ZFPM2: variants seen among roughly 807,000 people sequenced by gnomAD.
ZFPM2 encodes zinc finger protein ZFPM2.
In ZFPM2, 20 loss-of-function variants were observed where a neutral mutation model predicts 98.6. The ratio of observed to expected loss-of-function variants is 0.20; its 90% CI spans 0.14 to 0.29. The LOEUF (loss-of-function observed/expected upper bound fraction) is 0.29, where lower values mean the gene tolerates loss of function less well. ZFPM2 is among the 10% of genes least tolerant of loss of function. The pLI, the probability that ZFPM2 is intolerant of heterozygous loss-of-function variation, is 1.00. For missense variants in ZFPM2, 1,310 were observed against 1,388.6 expected (o/e 0.94, Z 0.90); for synonymous variants, 518 against 502.7 (o/e 1.03, Z -0.41).
chr8:105,381,748 C>T (rs1187557790), intron 1 of ZFPM2, among the ~76,000 whole-genome samples: 2 of 152,074 alleles, frequency 1.3e-5, no homozygotes, highest in Non-Finnish European at 2.9e-5. Flanking sequence ...CAAAGATAGC[C>T]TCTGGAAAGC....
intron 1 of ZFPM2, among the ~76,000 whole-genome samples, chr8:105,398,739 T>A (rs1447711841): frequency 6.6e-6 from 1 of 152,164 alleles, no homozygotes; most frequent in Non-Finnish European, 1.5e-5. Context: ...ACTCACCTCT[T>A]GTTACAACTG....
chr8:105,558,214 C>G (rs1868648), intron 3 of ZFPM2, among the ~76,000 whole-genome samples: 54 of 152,086 alleles, frequency 3.6e-4, no homozygotes, highest in African/African-American at 1.2e-3. Context: ...TTTTGCTATC[C>G]TTAACCTATG....
chr8:105,341,481 CAA>C (rs1404993675), intron 1 of ZFPM2, among the ~76,000 whole-genome samples: 1 of 151,558 alleles, frequency 6.6e-6, no homozygotes, highest in African/African-American at 2.4e-5. Flanking sequence ...TGTAAGGTAA[CAA>C]TGCAATATAT....
chr8:105,561,935 T>G (rs1450766231), intron 4 of ZFPM2, among the ~76,000 whole-genome samples: 1 of 152,102 alleles, frequency 6.6e-6, no homozygotes, highest in Non-Finnish European at 1.5e-5. Context: ...GTTATTCAGC[T>G]TTTTTGTAAA....
intron 2 of ZFPM2, among the ~76,000 whole-genome samples, chr8:105,424,549 A>C (rs1415446322): frequency 6.6e-6 from 1 of 152,178 alleles, no homozygotes; most frequent in Non-Finnish European, 1.5e-5. Context: ...AGTGTGCAGA[A>C]AGCAAAGGTT....
intron 3 of ZFPM2, among the ~76,000 whole-genome samples, chr8:105,480,708 A>G (rs1813097491): frequency 6.6e-6 from 1 of 151,770 alleles, no homozygotes; most frequent in Non-Finnish European, 1.5e-5. Context: ...ACTGCAGGCA[A>G]TATGTGTTTC....
chr8:105,698,327 A>G (rs1811066823), intron 5 of ZFPM2, among the ~76,000 whole-genome samples: 1 of 152,212 alleles, frequency 6.6e-6, no homozygotes, highest in African/African-American at 2.4e-5. Context: ...GAGAAGGGGT[A>G]TCATCCATGG....
chr8:105,642,180 T>C (rs752093458), intron 5 of ZFPM2, among the ~76,000 whole-genome samples: 66 of 151,994 alleles, frequency 4.3e-4, no homozygotes, highest in Non-Finnish European at 7.8e-4. Context: ...CTGAGAATAG[T>C]TTTTAAAACA....
intron 3 of ZFPM2, among the ~76,000 whole-genome samples, chr8:105,448,505 C>A (rs1234828294): frequency 6.6e-6 from 1 of 151,924 alleles, no homozygotes; most frequent in Non-Finnish European, 1.5e-5. Flanking sequence ...TAACATCATG[C>A]TGTCTGTATT....
chr8:105,740,528 C>CAT (rs371953469), intron 5 of ZFPM2, among the ~76,000 whole-genome samples: 7,776 of 143,926 alleles, frequency 0.054, 301 homozygotes, highest in East Asian at 0.12. Context: ...TGTGTGTATG[C>CAT]ATATATATAT....
At chr8:105,733,870 A>C (rs1277187811) in intron 5 of ZFPM2, among the ~76,000 whole-genome samples, 1 of 151,894 alleles carries the variant, frequency 6.6e-6, no homozygotes, top group Middle Eastern at 3.2e-3. Context: ...GTTGTCTTAC[A>C]TTGTAAAGAA....
At chr8:105,521,138 CACACACACACACACAA>C (rs1332211047) in intron 3 of ZFPM2, among the ~76,000 whole-genome samples, 1 of 150,350 alleles carries the variant, frequency 6.7e-6, no homozygotes, top group Non-Finnish European at 1.5e-5. Flanking sequence ...TATATACACA[CACACACACACACACAA>C]ACACACACAC....
At chr8:105,717,183 G>A (rs1242774832) in intron 5 of ZFPM2, among the ~76,000 whole-genome samples, 4 of 151,894 alleles carry the variant, frequency 2.6e-5, no homozygotes, top group Admixed American at 2.0e-4. Flanking sequence ...GGAGCTTCTG[G>A]GATCATATTA....
At chr8:105,688,435 A>T (rs908753612) in intron 5 of ZFPM2, among the ~76,000 whole-genome samples, 3 of 152,174 alleles carry the variant, frequency 2.0e-5, no homozygotes, top group African/African-American at 7.2e-5. Context: ...AATAAAAAAT[A>T]ACAAAAATTA....
At chr8:105,321,741 T>G (rs1812029528) in intron 1 of ZFPM2, among the ~76,000 whole-genome samples, 4 of 152,108 alleles carry the variant, frequency 2.6e-5, no homozygotes. Flanking sequence ...CACCATTAAT[T>G]TGCTATGATG....
intron 5 of ZFPM2, among the ~76,000 whole-genome samples, chr8:105,720,022 T>A (rs1378192400): frequency 2.6e-5 from 4 of 151,908 alleles, no homozygotes; most frequent in Non-Finnish European, 2.9e-5. Flanking sequence ...ACAGCCAACC[T>A]TAACTGGCAG....
chr8:105,433,289 CTA>C (rs1563656120), intron 2 of ZFPM2, among the ~76,000 whole-genome samples: 1 of 152,136 alleles, frequency 6.6e-6, no homozygotes, highest in Non-Finnish European at 1.5e-5. Context: ...TTGAGAAAAA[CTA>C]TTTTCACATG....
intron 5 of ZFPM2, among the ~76,000 whole-genome samples, chr8:105,680,749 T>C (rs1453023668): frequency 1.3e-5 from 2 of 152,196 alleles, no homozygotes; most frequent in Non-Finnish European, 2.9e-5. Context: ...TGATATACTT[T>C]AAGATTTGGA....
intron 1 of ZFPM2, among the ~76,000 whole-genome samples, chr8:105,352,133 T>A (rs767971142): frequency 3.9e-5 from 6 of 152,210 alleles, no homozygotes; most frequent in Non-Finnish European, 7.3e-5. Flanking sequence ...CATCACTTCC[T>A]AAACTTCATG....
Sources: allele counts gnomAD v4.1 joint callset (sites outside exome capture counted in the v4.1 genomes callset), GRCh38; gene constraint gnomAD v4.1.1; transcripts MANE v1.5; gene names NCBI Gene and HGNC (gene_info 2026-07-23, HGNC 2026-07-21).